Variants in KCND3 observed in about 807,000 individuals in gnomAD.
KCND3 encodes A-type voltage-gated potassium channel KCND3.
In KCND3, 9 loss-of-function variants were observed where a neutral mutation model predicts 51.1. That is an observed-to-expected ratio of 0.18 (90% CI 0.11 to 0.31). The LOEUF is 0.31. Ranked by LOEUF, KCND3 falls within the 10% of genes least tolerant of loss-of-function variation. The probability of loss-of-function intolerance (pLI) is 1.00; values close to 1 mark genes in which losing one functional copy is unlikely to be tolerated. For synonymous variants in KCND3, 349 were observed against 368.0 expected (o/e 0.95, Z 0.59); for missense variants, 526 against 903.8 (o/e 0.58, Z 5.36).
intron 2 of KCND3, among the ~76,000 whole-genome samples, chr1:111,888,596 C>A (rs558059779): frequency 6.0e-5 from 9 of 149,790 alleles, no homozygotes; most frequent in Non-Finnish European, 1.3e-4. Flanking sequence ...GAAGGAGAAT[C>A]GCTTGAACCC....
chr1:111,818,418 G>T (rs951916412), intron 2 of KCND3, among the ~76,000 whole-genome samples: 2 of 152,254 alleles, frequency 1.3e-5, no homozygotes, highest in Non-Finnish European at 2.9e-5. Flanking sequence ...GAATGAGCTG[G>T]AGAGTGCCCC....
chr1:111,891,643 G>A (rs886714938), intron 2 of KCND3, among the ~76,000 whole-genome samples: 16 of 152,284 alleles, frequency 1.1e-4, no homozygotes, highest in African/African-American at 3.6e-4. Context: ...CATCACATGG[G>A]TTACCAGCAA....
At chr1:111,802,709 G>C (rs142325093) in intron 2 of KCND3, among the ~76,000 whole-genome samples, 1 of 152,226 alleles carries the variant, frequency 6.6e-6, no homozygotes, top group Non-Finnish European at 1.5e-5. Flanking sequence ...TGAGCCTGTA[G>C]CAGGACTAAA....
At chr1:111,959,190 T>C (rs1373290) in intron 2 of KCND3, among the ~76,000 whole-genome samples, 53,332 of 152,008 alleles carry the variant, frequency 0.35, 9,576 homozygotes, top group Admixed American at 0.4. Flanking sequence ...ATTCGGTCGG[T>C]GGTGGACAGC....
intron 2 of KCND3, among the ~76,000 whole-genome samples, chr1:111,978,155 A>C (rs879022602): frequency 3.3e-5 from 5 of 152,190 alleles, no homozygotes; most frequent in Admixed American, 6.5e-5. Context: ...GTTCCAGGAG[A>C]TCCCTCCCTG....
chr1:111,854,911 AG>A (rs1667990370), intron 2 of KCND3, among the ~76,000 whole-genome samples: 1 of 152,162 alleles, frequency 6.6e-6, no homozygotes, highest in African/African-American at 2.4e-5. Flanking sequence ...CAGTGCCATT[AG>A]GGAACTTCAA....
At chr1:111,892,932 T>C (rs1669913875) in intron 2 of KCND3, among the ~76,000 whole-genome samples, 1 of 152,194 alleles carries the variant, frequency 6.6e-6, no homozygotes, top group African/African-American at 2.4e-5. Flanking sequence ...TCCTCTAAGA[T>C]ATAAGAAGAC....
chr1:111,841,980 T>C (rs955425075), intron 2 of KCND3, among the ~76,000 whole-genome samples: 1 of 152,134 alleles, frequency 6.6e-6, no homozygotes, highest in Non-Finnish European at 1.5e-5. Context: ...TTTCCAACCA[T>C]TTCTGCTTCT....
intron 2 of KCND3, among the ~76,000 whole-genome samples, chr1:111,866,266 T>TC (rs1553249278): frequency 5.7e-4 from 26 of 45,570 alleles, no homozygotes; most frequent in South Asian, 8.8e-4. Flanking sequence ...TTCTTTTCTT[T>TC]TTTTTTTTTT....
At chr1:111,881,959 T>A (rs1669351389) in intron 2 of KCND3, among the ~76,000 whole-genome samples, 1 of 152,138 alleles carries the variant, frequency 6.6e-6, no homozygotes. Flanking sequence ...GGGGCCCCTG[T>A]TAATGATCAG....
chr1:111,881,473 G>C (rs961341549), intron 2 of KCND3, among the ~76,000 whole-genome samples: 5 of 152,232 alleles, frequency 3.3e-5, no homozygotes, highest in African/African-American at 1.2e-4. Flanking sequence ...GTTTAACTCT[G>C]AGCGGGCTTC....
chr1:111,911,507 TCAA>T (rs1243493281), intron 2 of KCND3, among the ~76,000 whole-genome samples: 2 of 152,214 alleles, frequency 1.3e-5, no homozygotes, highest in East Asian at 1.9e-4. Context: ...ATTCATTCAT[TCAA>T]CAACGTTTAT....
intron 2 of KCND3, among the ~76,000 whole-genome samples, chr1:111,959,085 G>A (rs1380777873): frequency 6.6e-6 from 1 of 152,206 alleles, no homozygotes; most frequent in Non-Finnish European, 1.5e-5. Flanking sequence ...GTTAGGCAGA[G>A]TAATTGTTCT....
chr1:111,939,309 C>T (rs929610979), intron 2 of KCND3, among the ~76,000 whole-genome samples: 3 of 152,118 alleles, frequency 2.0e-5, no homozygotes, highest in African/African-American at 7.2e-5. Flanking sequence ...ATACACATGT[C>T]ATGGTGGTTT....
intron 2 of KCND3, among the ~76,000 whole-genome samples, chr1:111,901,541 G>A (rs1484738215): frequency 1.3e-5 from 2 of 152,138 alleles, no homozygotes; most frequent in East Asian, 1.9e-4. Flanking sequence ...CTGGGGACCC[G>A]GAGATATATG....
At chr1:111,783,798 G>A (rs914524708) in intron 3 of KCND3, among the ~76,000 whole-genome samples, 1 of 149,786 alleles carries the variant, frequency 6.7e-6, no homozygotes, top group African/African-American at 2.4e-5. Flanking sequence ...AAACAAACTG[G>A]TACATCTGTA....
intron 2 of KCND3, among the ~76,000 whole-genome samples, chr1:111,919,120 T>C (rs1403712202): frequency 2.6e-5 from 4 of 151,424 alleles, no homozygotes; most frequent in Admixed American, 2.6e-4. Flanking sequence ...CTTGAGTACC[T>C]ACTATGTGCC....
rs116516276 is a variant in KCND3, at chr1:111,954,062, G to C, written c.1106+27559C>G. Among the ~76,000 whole-genome samples, 1,326 of 152,298 alleles carry C rather than the reference G, an allele frequency of 8.7e-3. 15 individuals are homozygous for C. The highest frequency in any genetic ancestry group is 0.03 in the African/African-American group (1,264 of 41,544). The stretch of plus-strand genomic sequence containing the variant: ...CTCCGCCCTTCCCTGCCAGGTCACT[G>C]TGGGTTGCTGTGTCCCGCTCCCAAA... On this transcript the variant is annotated intron_variant, in intron 2 of 7. Coordinates refer to ENST00000302127, the MANE Select transcript of KCND3 (RefSeq NM_001378969.1).
intron 2 of KCND3, among the ~76,000 whole-genome samples, chr1:111,798,301 C>T (rs1665148461): frequency 6.6e-6 from 1 of 152,198 alleles, no homozygotes; most frequent in Non-Finnish European, 1.5e-5. Flanking sequence ...CCCTCTCTCT[C>T]TCTCTTTGCT....
Sources: allele counts gnomAD v4.1 joint callset (sites outside exome capture counted in the v4.1 genomes callset), GRCh38; gene constraint gnomAD v4.1.1; transcripts MANE v1.5; gene names NCBI Gene and HGNC (gene_info 2026-07-23, HGNC 2026-07-21).